The following ACCSL variants were observed in gnomAD, a reference collection of about 807,000 sequenced individuals.
The protein encoded by ACCSL is 1-aminocyclopropane-1-carboxylate synthase homolog (inactive) like.
ACCSL carries 55 observed loss-of-function variants against 61.7 expected under a neutral mutation model. The observed-to-expected ratio is 0.89, with a 90% CI of 0.72 to 1.12. The LOEUF (loss-of-function observed/expected upper bound fraction) is 1.12, where lower values mean the gene tolerates loss of function less well. Among genes scored for constraint, ACCSL ranks in the 50% most tolerant of loss-of-function variants. ACCSL has a pLI of 0.00. For synonymous variants in ACCSL, 258 were observed against 264.3 expected (o/e 0.98, Z 0.23); for missense variants, 632 against 698.0 (o/e 0.91, Z 1.07).
chr11:44,041,196 T>G, the ACCSL span, among the ~76,000 whole-genome samples: 2 of 152,228 alleles, frequency 1.3e-5, no homozygotes, highest in Non-Finnish European at 2.9e-5. Flanking sequence ...TCAGGTCATA[T>G]CTGGGGACCT....
At chr11:44,039,145 G>A in the ACCSL span, among the ~76,000 whole-genome samples, 1 of 152,160 alleles carries the variant, frequency 6.6e-6, no homozygotes, top group African/African-American at 2.4e-5. Context: ...AGAGGAGATG[G>A]GCTCCCAGTG....
chr11:44,058,451 T>C lies in ACCSL; in HGVS notation c.1462T>C (p.Leu488=), dbSNP rs369737597. 72 of 1,613,994 alleles carry C rather than the reference T, an allele frequency of 4.5e-5. No individual in the cohort carries two copies. In the African/African-American group the frequency reaches 8.3e-4, roughly 19 times the overall value. ...RSSGLYVWIN[L]KKYLDPCTFE... is the part of the protein sequence containing the mutation. ...CTCTGGCCTCTATGTCTGGATCAAC[T>C]TGAAAAAGGTGTGTTCTGGGAATGA... Residue 488 remains leucine, a synonymous_variant, in exon 12 of 14, where the codon TTG becomes CTG. Transcript: ENST00000378832.
chr11:44,027,403 C>G, the ACCSL span, among the ~76,000 whole-genome samples: 2 of 152,320 alleles, frequency 1.3e-5, 1 homozygote, highest in South Asian at 4.1e-4. Context: ...TCTGCTTTTG[C>G]TTTTTAAATC....
chr11:43,921,786 G>T, the ACCSL span, among the ~76,000 whole-genome samples: 1 of 152,170 alleles, frequency 6.6e-6, no homozygotes, highest in East Asian at 1.9e-4. Flanking sequence ...CACCACCTGG[G>T]TTTCTTGGTC....
At chr11:43,972,266 C>T in the ACCSL span, among the ~76,000 whole-genome samples, 1 of 152,294 alleles carries the variant, frequency 6.6e-6, no homozygotes, top group African/African-American at 2.4e-5. Context: ...AGGCAAGTGG[C>T]AGAGCTAGAA....
chr11:43,983,873 T>C, the ACCSL span, among the ~76,000 whole-genome samples: 1 of 152,084 alleles, frequency 6.6e-6, no homozygotes, highest in South Asian at 2.1e-4. Context: ...CTCAGGACTT[T>C]GGGAGGCTGA....
chr11:44,035,804 G>C, the ACCSL span, among the ~76,000 whole-genome samples: 2 of 151,956 alleles, frequency 1.3e-5, no homozygotes, highest in South Asian at 4.2e-4. Context: ...CAGGCATGGT[G>C]CTGCATGCCT....
At chr11:43,988,689 G>A in the ACCSL span, among the ~76,000 whole-genome samples, 1 of 151,898 alleles carries the variant, frequency 6.6e-6, no homozygotes, top group East Asian at 1.9e-4. Context: ...CAGGCCACTC[G>A]GTTCCACACA....
chr11:44,015,064 G>T, the ACCSL span, among the ~76,000 whole-genome samples: 1 of 152,212 alleles, frequency 6.6e-6, no homozygotes, highest in East Asian at 1.9e-4. Flanking sequence ...TGCACAAACT[G>T]CTCTGGGCAA....
upstream of ACCSL, among the ~76,000 whole-genome samples, chr11:44,045,345 T>G (rs1015261712): frequency 5.3e-5 from 8 of 151,752 alleles, no homozygotes; most frequent in Admixed American, 2.0e-4. Context: ...GAGGCTGAGG[T>G]GGAAGGAACG....
the ACCSL span, among the ~76,000 whole-genome samples, chr11:43,967,474 C>T: frequency 2.0e-5 from 3 of 151,962 alleles, no homozygotes; most frequent in African/African-American, 4.8e-5. Flanking sequence ...CCACCACGCC[C>T]GGCCTCAGTT....
At chr11:44,001,888 G>C in the ACCSL span, among the ~76,000 whole-genome samples, 1 of 151,236 alleles carries the variant, frequency 6.6e-6, no homozygotes, top group African/African-American at 2.4e-5. Flanking sequence ...TGAAGGGGCT[G>C]GAAGGCTCTG....
intron 9 of ACCSL, 84 bp from the exon 10 acceptor site, chr11:44,055,956 C>G: frequency 1.3e-6 from 2 of 1,538,038 alleles, no homozygotes; most frequent in Non-Finnish European, 1.8e-6. Context: ...GGACCAACCT[C>G]AAATCTACTT....
At chr11:44,037,770 A>C in the ACCSL span, among the ~76,000 whole-genome samples, 1 of 152,150 alleles carries the variant, frequency 6.6e-6, no homozygotes, top group African/African-American at 2.4e-5. Flanking sequence ...TTAACTAAAA[A>C]CTCCCTGTGT....
intron 9 of ACCSL, among the ~76,000 whole-genome samples, 197 bp from the exon 10 acceptor site, chr11:44,055,843 G>C (rs1455362135): frequency 6.6e-6 from 1 of 152,230 alleles, no homozygotes; most frequent in East Asian, 1.9e-4. Flanking sequence ...TGGGCACTTG[G>C]GTTCTGTGCC....
At chr11:43,982,074 C>T in the ACCSL span, among the ~76,000 whole-genome samples, 1 of 152,016 alleles carries the variant, frequency 6.6e-6, no homozygotes, top group Admixed American at 6.6e-5. Flanking sequence ...GGTGGGTTCT[C>T]GGGTGACAGA....
the ACCSL span, among the ~76,000 whole-genome samples, chr11:44,035,721 TGAGGCCAG>T: frequency 6.6e-6 from 1 of 152,008 alleles, no homozygotes; most frequent in Non-Finnish European, 1.5e-5. Flanking sequence ...GCGGATCACT[TGAGGCCAG>T]GAGTTTGAGA....
the ACCSL span, among the ~76,000 whole-genome samples, chr11:44,020,716 G>C: frequency 6.6e-6 from 1 of 151,800 alleles, no homozygotes; most frequent in Non-Finnish European, 1.5e-5. Flanking sequence ...CTGAGATTTT[G>C]GTGCACCCAT....
the ACCSL span, among the ~76,000 whole-genome samples, chr11:44,002,419 T>C: frequency 6.6e-6 from 1 of 152,212 alleles, no homozygotes; most frequent in Non-Finnish European, 1.5e-5. Flanking sequence ...GCGTGGTTTC[T>C]AGGGAAAGGT....
Sources: allele counts gnomAD v4.1 joint callset (sites outside exome capture counted in the v4.1 genomes callset), GRCh38; gene constraint gnomAD v4.1.1; transcripts MANE v1.5; gene names NCBI Gene and HGNC (gene_info 2026-07-23, HGNC 2026-07-21).